The following NOL4 variants were observed in gnomAD, a reference collection of about 807,000 sequenced individuals.
NOL4 encodes the protein cancer/testis antigen 125.
A neutral mutation model predicts 75.9 loss-of-function variants in NOL4; 17 were observed. That is an observed-to-expected ratio of 0.22 (90% CI 0.15 to 0.34). NOL4 has a LOEUF of 0.34. Ranked by LOEUF, NOL4 falls within the 10% of genes least tolerant of loss-of-function variation. NOL4 has a pLI of 1.00. For missense variants in NOL4, 614 were observed against 793.5 expected (o/e 0.77, Z 2.72); for synonymous variants, 292 against 289.9 (o/e 1.01, Z -0.07).
intron 1 of NOL4, among the ~76,000 whole-genome samples, chr18:34,199,382 A>T (rs2035574797): frequency 6.6e-6 from 1 of 151,802 alleles, no homozygotes; most frequent in African/African-American, 2.4e-5. Context: ...GCTTCAAATA[A>T]AAAGAGGAGC....
At chr18:34,096,119 T>C (rs997868816) in intron 4 of NOL4, among the ~76,000 whole-genome samples, 3 of 151,974 alleles carry the variant, frequency 2.0e-5, no homozygotes, top group African/African-American at 7.2e-5. Flanking sequence ...ATGCTGACAC[T>C]CTTGCCAGCA....
At chr18:33,992,881 G>A (rs28540593) in intron 6 of NOL4, among the ~76,000 whole-genome samples, 4,772 of 152,116 alleles carry the variant, frequency 0.031, 135 homozygotes, top group East Asian at 0.089. Flanking sequence ...GGGAGGAGAA[G>A]GAGACCATAA....
At chr18:34,206,944 A>AAAAT (rs1386925550) in intron 1 of NOL4, among the ~76,000 whole-genome samples, 1 of 151,918 alleles carries the variant, frequency 6.6e-6, no homozygotes, top group East Asian at 1.9e-4. Flanking sequence ...ATTTCTATTG[A>AAAAT]GTCCATGAAT....
chr18:33,996,058 A>T (rs1325539402), intron 6 of NOL4, among the ~76,000 whole-genome samples: 2 of 151,358 alleles, frequency 1.3e-5, no homozygotes, highest in Non-Finnish European at 3.0e-5. Flanking sequence ...AGCTAATATC[A>T]TACTTAATGT....
Position 34,126,114 on chromosome 18 carries a change from G to A in NOL4, c.414+3757C>T, listed in dbSNP as rs1470477545. ...CTAATTTTGCTGCCTGTCCTTCTACGTGAAACATGAGTAGTGATTGGACAA... is the reference window on the plus strand; with the variant it reads ...CTAATTTTGCTGCCTGTCCTTCTACATGAAACATGAGTAGTGATTGGACAA... On this transcript the variant is annotated intron_variant, in intron 2 of 10. Coordinates refer to ENST00000261592, the MANE Select transcript of NOL4 (RefSeq NM_003787.5). Among the ~76,000 whole-genome samples, 4 of 152,230 alleles carry A rather than the reference G, an allele frequency of 2.6e-5. No homozygotes were observed. The East Asian group carries it at 7.7e-4, about 29-fold the overall frequency.
intron 9 of NOL4, among the ~76,000 whole-genome samples, chr18:33,893,283 G>C (rs1371585249): frequency 6.6e-6 from 1 of 152,130 alleles, no homozygotes; most frequent in Non-Finnish European, 1.5e-5. Context: ...TGGTTTAGAA[G>C]AGTACAGATG....
intron 9 of NOL4, among the ~76,000 whole-genome samples, chr18:33,897,543 T>C (rs1169628324): frequency 1.3e-5 from 2 of 152,100 alleles, no homozygotes; most frequent in African/African-American, 2.4e-5. Context: ...TGTTCTCACT[T>C]ATAAGCAGGA....
At chr18:33,974,996 A>C (rs941619817) in intron 6 of NOL4, among the ~76,000 whole-genome samples, 2 of 152,244 alleles carry the variant, frequency 1.3e-5, no homozygotes, top group African/African-American at 4.8e-5. Flanking sequence ...TTAAAAAGTA[A>C]GGAAATCCTA....
chr18:33,963,838 G>A (rs1008777218), intron 6 of NOL4, among the ~76,000 whole-genome samples: 2 of 152,106 alleles, frequency 1.3e-5, no homozygotes, highest in Non-Finnish European at 2.9e-5. Context: ...TGAAGGAAAC[G>A]TGACCTGTTT....
chr18:33,990,053 T>A (rs140336684), intron 6 of NOL4, among the ~76,000 whole-genome samples: 67 of 152,178 alleles, frequency 4.4e-4, no homozygotes, highest in Non-Finnish European at 8.8e-5. Context: ...GGAAACTATC[T>A]TGTACTAGGG....
At chr18:34,203,685 CCTCTCTCT>C (rs1226376797) in intron 1 of NOL4, among the ~76,000 whole-genome samples, 111 of 100,764 alleles carry the variant, frequency 1.1e-3, no homozygotes, top group African/African-American at 3.7e-3. Context: ...TCTCTCTCTC[CCTCTCTCT>C]CTCTCTCTCT....
Position 34,017,680 on chromosome 18 carries a change from T to A in NOL4, c.1056+1638A>T, listed in dbSNP as rs187131953. Among the ~76,000 whole-genome samples, 4 of 152,284 alleles carry A rather than the reference T, an allele frequency of 2.6e-5. No individual in the cohort carries two copies. The East Asian group carries it at 7.7e-4, about 29-fold the overall frequency. On this transcript the variant is annotated intron_variant, in intron 6 of 10. Transcript: ENST00000261592. ...CTCTCACAAATTTAACTATTTTCTA[T>A]CTTCATCTTATTTGATTTCTCAACA... is the stretch of plus-strand genomic sequence containing the variant.
chr18:33,973,524 C>T (rs552833908), intron 6 of NOL4, among the ~76,000 whole-genome samples: 14 of 152,180 alleles, frequency 9.2e-5, no homozygotes, highest in South Asian at 2.1e-4. Context: ...TTCAATTTAC[C>T]TTTTTCTGAT....
chr18:34,100,689 C>A lies in NOL4; in HGVS notation c.639+3358G>T, dbSNP rs563568383. On this transcript the variant is annotated intron_variant, in intron 4 of 10. Transcript: ENST00000261592. Reference sequence around the variant, plus strand: ...GTTATAACATTGGAATTTCCCAAATCAAAGTTATTGGGCTTTGTTTGTTCA... The same window carrying A: ...GTTATAACATTGGAATTTCCCAAATAAAAGTTATTGGGCTTTGTTTGTTCA... Among the ~76,000 whole-genome samples the A allele has an allele frequency of 9.8e-5, 15 of 152,290 alleles. No homozygotes were observed. The East Asian group carries it at 1.7e-3, about 18-fold the overall frequency.
chr18:34,115,651 G>C (rs2079819083), intron 2 of NOL4, among the ~76,000 whole-genome samples: 2 of 152,080 alleles, frequency 1.3e-5, no homozygotes, highest in African/African-American at 4.8e-5. Context: ...GCCCTATGTA[G>C]ATGAAATACT....
chr18:33,863,609 A>G (rs554147431), intron 10 of NOL4, among the ~76,000 whole-genome samples: 1 of 152,286 alleles, frequency 6.6e-6, no homozygotes, highest in East Asian at 1.9e-4. Context: ...TCTCACATCC[A>G]GGGCATGCTG....
intron 9 of NOL4, among the ~76,000 whole-genome samples, chr18:33,903,967 C>T (rs1334933300): frequency 6.6e-6 from 1 of 152,162 alleles, no homozygotes; most frequent in Non-Finnish European, 1.5e-5. Context: ...AGAGCTAAAA[C>T]TAGTTCAAAC....
intron 5 of NOL4, among the ~76,000 whole-genome samples, chr18:34,019,865 G>A (rs527268849): frequency 6.6e-6 from 1 of 151,610 alleles, no homozygotes; most frequent in Non-Finnish European, 1.5e-5. Flanking sequence ...GCAGGTGTTT[G>A]GGTCATGAGG....
At chr18:33,918,924 C>A (rs1227553087) in intron 9 of NOL4, among the ~76,000 whole-genome samples, 1 of 151,724 alleles carries the variant, frequency 6.6e-6, no homozygotes, top group Admixed American at 6.6e-5. Context: ...CACTTACTAC[C>A]CTATAGATAG....
Sources: gnomAD v4.1 joint callset for allele counts (sites outside exome capture counted in the v4.1 genomes callset) on GRCh38, gnomAD v4.1.1 for gene constraint, MANE v1.5 for transcripts, NCBI Gene and HGNC (gene_info 2026-07-23, HGNC 2026-07-21) for gene names.